CACNG3: variants seen among roughly 807,000 people sequenced by gnomAD.
CACNG3 encodes calcium voltage-gated channel auxiliary subunit gamma 3.
Under a neutral mutation model 28.5 loss-of-function variants are expected in CACNG3, and 3 were observed. The observed-to-expected ratio is 0.11, with a 90% CI of 0.05 to 0.27. The LOEUF (loss-of-function observed/expected upper bound fraction) is 0.27. Among genes scored for constraint, CACNG3 ranks in the 10% least tolerant of loss-of-function variants. CACNG3 has a pLI of 1.00. For synonymous variants in CACNG3, 174 were observed against 162.2 expected, an observed-to-expected ratio of 1.07 and a Z score of -0.55; for missense variants, 236 against 414.4, an observed-to-expected ratio of 0.57 and a Z score of 3.74.
intron 1 of CACNG3, among the ~76,000 whole-genome samples, chr16:24,288,770 A>G (rs571019085): frequency 6.6e-6 from 1 of 152,318 alleles, no homozygotes; most frequent in African/African-American, 2.4e-5. Flanking sequence ...CTCGTTAGAA[A>G]GCAAGGCTCC....
chr16:24,308,956 G>C (rs1406261012), intron 1 of CACNG3, among the ~76,000 whole-genome samples: 1 of 151,798 alleles, frequency 6.6e-6, no homozygotes, highest in Non-Finnish European at 1.5e-5. Flanking sequence ...CACTGGCCTG[G>C]CTACATTTCT....
At chr16:24,317,713 A>AAAG (rs200316829) in intron 1 of CACNG3, among the ~76,000 whole-genome samples, 90 of 61,608 alleles carry the variant, frequency 1.5e-3, no homozygotes, top group East Asian at 4.4e-3. Flanking sequence ...AGAAAGAAAG[A>AAAG]AAAGAAAGAA....
At chr16:24,270,810 G>A (rs1898677572) in intron 1 of CACNG3, among the ~76,000 whole-genome samples, 1 of 152,202 alleles carries the variant, frequency 6.6e-6, no homozygotes, top group African/African-American at 2.4e-5. Context: ...ATTGTAAATG[G>A]TGTGGTCAAG....
chr16:24,259,120 T>A (rs1445240087), intron 1 of CACNG3, among the ~76,000 whole-genome samples: 1 of 152,270 alleles, frequency 6.6e-6, no homozygotes, highest in Non-Finnish European at 1.5e-5. Context: ...AGGTGAATTC[T>A]ATTGAGAAAA....
rs183226879 is a variant in CACNG3 at position 24,308,999 on chromosome 16, C to G, written c.212-37735C>G. Among the ~76,000 whole-genome samples the G allele has an allele frequency of 3.3e-5, 5 of 152,192 alleles. No individual in the cohort carries two copies. The South Asian group carries it at 1.0e-3, about 32-fold the overall frequency. Reference sequence around the variant, plus strand: ...GCTCACTTAACCCTTCACAGCAGCCCTTTAGATAGTTATTCTCATTTTGCA... The same window carrying G: ...GCTCACTTAACCCTTCACAGCAGCCGTTTAGATAGTTATTCTCATTTTGCA... On this transcript the variant is annotated intron_variant, in intron 1 of 3. Coordinates refer to ENST00000005284, the MANE Select transcript of CACNG3 (RefSeq NM_006539.4).
intron 1 of CACNG3, among the ~76,000 whole-genome samples, chr16:24,295,615 G>A (rs1899021535): frequency 6.6e-6 from 1 of 152,140 alleles, no homozygotes; most frequent in Non-Finnish European, 1.5e-5. Flanking sequence ...GGGAGACTGA[G>A]GAAGGAAGAT....
Position 24,256,804 on chromosome 16 carries a change from C to G in CACNG3, c.50C>G (p.Ala17Gly). The G allele has an allele frequency of 1.2e-6, 2 of 1,613,976 alleles. No individual in the cohort carries two copies. The highest frequency in any genetic ancestry group is 8.5e-7 in the Non-Finnish European group (1 of 1,179,830). Residue 17 changes from alanine to glycine, a missense_variant, in exon 1 of 4, where the codon GCC (alanine) becomes GGC (glycine). Coordinates refer to ENST00000005284, the MANE Select transcript of CACNG3 (RefSeq NM_006539.4). The surrounding 1 kb of genome is among the most constrained non-coding windows in gnomAD (Gnocchi z 4.6). ...GIQMLITTVG[A>G]FAAFSLMTIA... The stretch of plus-strand genomic sequence containing the variant: ...CAGATGTTGATCACCACTGTAGGAG[C>G]CTTTGCCGCTTTTAGTTTAATGACC...
chr16:24,347,303 G>A (rs1899882871), intron 2 of CACNG3, among the ~76,000 whole-genome samples: 1 of 152,044 alleles, frequency 6.6e-6, no homozygotes, highest in Non-Finnish European at 1.5e-5. Context: ...GGGTGACAGA[G>A]TGAGACCCTG....
intron 1 of CACNG3, among the ~76,000 whole-genome samples, chr16:24,336,417 G>A (rs1013666300): frequency 3.7e-4 from 56 of 151,056 alleles, no homozygotes; most frequent in African/African-American, 1.2e-3. Context: ...GACTATAGGC[G>A]CCCGCCACTA....
At position 24,312,974 on chromosome 16, in the gene CACNG3, G is replaced by T. The variant is rs529430946; in HGVS notation, c.212-33760G>T. On this transcript the variant is annotated intron_variant, in intron 1 of 3. Transcript: ENST00000005284. ...AAGAAAGAGAAAGAAAGAAAAGAAA[G>T]AAAGAAATAAAAGAAAGAAAGAAAG... 7.1e-5 allele frequency among the ~76,000 whole-genome samples: 10 copies of T among 140,518 alleles called. No individual in the cohort carries two copies. In the East Asian group the frequency reaches 1.7e-3, roughly 23 times the overall value. The allele number at this position is 140,518 out of a possible 152,430, so 92.2% of individuals were successfully genotyped here.
rs1488729844 is a variant in CACNG3 at position 24,362,177 on chromosome 16, G to A, written c.*314G>A. The A allele has an allele frequency of 4.2e-6, 1 of 236,178 alleles. No individual in the cohort carries two copies. 14.6% of individuals were successfully genotyped at this position (236,178 alleles called of 1,614,324 possible). A position where few individuals can be genotyped will look rare whatever the true frequency, so the allele number is the denominator to read the frequency against. ...TCCTTGGAAGAGGACTTTACTAAAA[G>A]TCACAGGTGGTGGCCAGGGGGGATT... On this transcript the variant is annotated 3_prime_UTR_variant, in exon 4 of 4. Transcript: ENST00000005284.
chr16:24,327,426 GTGTGTGTGTGTGT>G (rs1899567077), intron 1 of CACNG3, among the ~76,000 whole-genome samples: 1 of 66,358 alleles, frequency 1.5e-5, no homozygotes, highest in Non-Finnish European at 3.0e-5. Context: ...ATATATATGT[GTGTGTGTGTGTGT>G]ATATATATAT....
In CACNG3 at chr16:24,336,820, T is replaced by C. The variant is rs546032959; in HGVS notation, c.212-9914T>C. ...TTCTTTTTTGTTGTTGTTGTTGTTT[T>C]GTTTTGTTTTGTTATATAGAGTCTT... is the stretch of plus-strand genomic sequence containing the variant. On this transcript the variant is annotated intron_variant, in intron 1 of 3. Transcript: ENST00000005284. Among the ~76,000 whole-genome samples the C allele has an allele frequency of 7.9e-5, 12 of 152,158 alleles. No individual in the cohort carries two copies. The East Asian group carries it at 2.3e-3, about 29-fold the overall frequency.
intron 1 of CACNG3, among the ~76,000 whole-genome samples, chr16:24,270,587 G>C (rs1196967763): frequency 6.6e-6 from 1 of 152,212 alleles, no homozygotes; most frequent in Non-Finnish European, 1.5e-5. Flanking sequence ...GCAGTTGGGA[G>C]ATGGCAGGGG....
At chr16:24,322,933 A>T (rs1305055679) in intron 1 of CACNG3, among the ~76,000 whole-genome samples, 2 of 152,142 alleles carry the variant, frequency 1.3e-5, no homozygotes, top group African/African-American at 4.8e-5. Context: ...GCCTTACAAA[A>T]ATGAGATGAA....
chr16:24,258,422 G>A (rs1294794618), intron 1 of CACNG3, among the ~76,000 whole-genome samples: 1 of 152,220 alleles, frequency 6.6e-6, no homozygotes, highest in Non-Finnish European at 1.5e-5. Context: ...AAGTATCGCT[G>A]TGGCCTTGGT....
intron 1 of CACNG3, among the ~76,000 whole-genome samples, chr16:24,284,547 T>C (rs985931497): frequency 6.6e-6 from 1 of 152,218 alleles, no homozygotes; most frequent in African/African-American, 2.4e-5. Context: ...TTATAATTGG[T>C]GTCATTTCTT....
intron 1 of CACNG3, among the ~76,000 whole-genome samples, chr16:24,279,981 C>T (rs930074625): frequency 6.6e-6 from 1 of 152,152 alleles, no homozygotes; most frequent in African/African-American, 2.4e-5. Context: ...TAATTACTTC[C>T]ATATATATGG....
chr16:24,342,463 T>A (rs1899804569), intron 1 of CACNG3, among the ~76,000 whole-genome samples: 1 of 152,174 alleles, frequency 6.6e-6, no homozygotes, highest in African/African-American at 2.4e-5. Flanking sequence ...ACATCTTCTA[T>A]CCCAGGAAGG....
Sources: gnomAD v4.1 joint callset for allele counts (sites outside exome capture counted in the v4.1 genomes callset) on GRCh38, gnomAD v4.1.1 for gene constraint, Gnocchi (gnomAD v3.1) non-coding constraint, MANE v1.5 for transcripts, NCBI Gene and HGNC (gene_info 2026-07-23, HGNC 2026-07-21) for gene names.